The following RNF212B variants were observed in gnomAD, a reference collection of about 807,000 sequenced individuals.
The protein encoded by RNF212B is E3 ubiquitin-protein ligase RNF212B.
In RNF212B, 52 loss-of-function variants were observed where a neutral mutation model predicts 55.5. That is an observed-to-expected ratio of 0.94 (90% confidence interval 0.75 to 1.18). The LOEUF (loss-of-function observed/expected upper bound fraction) is 1.18, where lower values mean the gene tolerates loss of function less well. RNF212B is among the 50% of genes most tolerant of loss of function. The pLI, the probability that RNF212B is intolerant of heterozygous loss-of-function variation, is 0.00. For missense variants in RNF212B, 289 were observed against 350.4 expected, an observed-to-expected ratio of 0.82 and a Z score of 1.40; for synonymous variants, 99 against 121.4, an observed-to-expected ratio of 0.82 and a Z score of 1.21.
At chr14:23,233,562 C>CAAAA (rs35654046), upstream of RNF212B, among the ~76,000 whole-genome samples, 43 of 58,258 alleles carry the variant, frequency 7.4e-4, no homozygotes, top group Non-Finnish European at 9.0e-4. Context: ...CCCATCTCTA[C>CAAAA]AAAAAAAAAA....
At chr14:23,244,042 C>T (rs1883815035) in intron 3 of RNF212B, among the ~76,000 whole-genome samples, 1 of 151,970 alleles carries the variant, frequency 6.6e-6, no homozygotes, top group Admixed American at 6.6e-5. Context: ...CACACCACTG[C>T]ACTCCAGCCT....
chr14:23,240,491 G>A (rs1883491458), intron 2 of RNF212B, 46 bp downstream of exon 2: 2 of 1,208,792 alleles, frequency 1.7e-6, no homozygotes, highest in African/African-American at 1.5e-5. Context: ...ATGTTTTCAT[G>A]TAAGGATGTA....
intron 1 of RNF212B, among the ~76,000 whole-genome samples, chr14:23,187,050 C>T (rs551682514): frequency 6.6e-6 from 1 of 152,164 alleles, no homozygotes. Context: ...ACATTTGTCA[C>T]CCCCTTCGCA....
At chr14:23,265,885 A>C (rs1594950939) in intron 11 of RNF212B, among the ~76,000 whole-genome samples, 1 of 152,142 alleles carries the variant, frequency 6.6e-6, no homozygotes, top group Non-Finnish European at 1.5e-5. Flanking sequence ...TGATGTTTCC[A>C]GTCATAAATT....
chr14:23,237,131 AT>A (rs35099689), upstream of RNF212B, among the ~76,000 whole-genome samples: 465 of 140,346 alleles, frequency 3.3e-3, no homozygotes, highest in South Asian at 5.3e-3. Flanking sequence ...CACCCGGCTA[AT>A]TTTTTTTTTT....
At chr14:23,209,845 G>C (rs1025643647) in intron 2 of RNF212B, among the ~76,000 whole-genome samples, 5 of 152,142 alleles carry the variant, frequency 3.3e-5, no homozygotes, top group Admixed American at 3.3e-4. Flanking sequence ...CTTTGCCTCT[G>C]TGATTCTTTT....
intron 7 of RNF212B, among the ~76,000 whole-genome samples, chr14:23,262,183 C>G (rs1885346942): frequency 6.6e-6 from 1 of 152,032 alleles, no homozygotes; most frequent in South Asian, 2.1e-4. Flanking sequence ...TTCATCTCTC[C>G]CACTAGCCTG....
At chr14:23,229,943 C>A in intron 2 of RNF212B, 1 of 195,176 alleles carries the variant, frequency 5.1e-6, no homozygotes, top group South Asian at 1.0e-4. Context: ...ATATGTGTGC[C>A]ATCTCGTGCA....
chr14:23,269,445 G>A (rs1885919318), intron 12 of RNF212B, among the ~76,000 whole-genome samples: 2 of 152,298 alleles, frequency 1.3e-5, no homozygotes, highest in South Asian at 4.1e-4. Context: ...CCAAATTACT[G>A]TATTTTGGCC....
rs182673464 is a variant in RNF212B, at chr14:23,200,789, G to A, written c.-2+7388G>A. Among the ~76,000 whole-genome samples, 695 of 152,304 alleles carry A rather than the reference G, an allele frequency of 4.6e-3. 8 individuals are homozygous for A. Among genetic ancestry groups the A allele is most frequent in the African/African-American group, 0.015 (642 of 41,566 alleles). On this transcript the variant is annotated intron_variant, in intron 2 of 15. Transcript: ENST00000399910. The stretch of plus-strand genomic sequence containing the variant: ...GGGCTTTATTGGCTTCTTAAGTCAA[G>A]TTTGATTCCTTATAGGAAAGTGCAC...
chr14:23,215,180 C>T (rs188561296), intron 2 of RNF212B, among the ~76,000 whole-genome samples: 2 of 152,146 alleles, frequency 1.3e-5, no homozygotes, highest in East Asian at 1.9e-4. Flanking sequence ...TTTGGCAGTT[C>T]CCCCCACCCC....
At chr14:23,204,074 G>GT (rs1244532269) in intron 2 of RNF212B, among the ~76,000 whole-genome samples, 2 of 152,046 alleles carry the variant, frequency 1.3e-5, no homozygotes, top group Non-Finnish European at 2.9e-5. Flanking sequence ...GGGATTGTTT[G>GT]TTTTTTTCTT....
At chr14:23,215,348 C>G (rs1308837683) in intron 2 of RNF212B, among the ~76,000 whole-genome samples, 1 of 152,166 alleles carries the variant, frequency 6.6e-6, no homozygotes, top group Non-Finnish European at 1.5e-5. Flanking sequence ...AGCATCAAGA[C>G]AGACTAATAC....
intron 2 of RNF212B, among the ~76,000 whole-genome samples, chr14:23,226,780 C>CA (rs1555313745): frequency 7.3e-6 from 1 of 136,434 alleles, no homozygotes; most frequent in African/African-American, 2.6e-5. Context: ...CTCCTCTCTT[C>CA]TTTTTTTTTC....
intron 9 of RNF212B, among the ~76,000 whole-genome samples, chr14:23,263,492 G>C (rs755536821): frequency 6.6e-6 from 1 of 152,198 alleles, no homozygotes; most frequent in South Asian, 2.1e-4. Flanking sequence ...ATCAATGACT[G>C]GGGGTCAGGT....
chr14:23,268,902 G>C, intron 11 of RNF212B, 22 bp from the exon 12 acceptor site: 1 of 1,546,794 alleles, frequency 6.5e-7, no homozygotes, highest in South Asian at 1.2e-5. Context: ...TTATCTCACA[G>C]GCTTATTTTT....
intron 2 of RNF212B, among the ~76,000 whole-genome samples, chr14:23,229,015 C>T (rs1413120862): frequency 2.6e-5 from 4 of 151,738 alleles, no homozygotes; most frequent in East Asian, 1.9e-4. Flanking sequence ...TAAGCAATTA[C>T]TTCCTATCTC....
chr14:23,266,690 C>T (rs1278993947), intron 11 of RNF212B, among the ~76,000 whole-genome samples: 2 of 151,902 alleles, frequency 1.3e-5, no homozygotes, highest in Admixed American at 6.6e-5. Context: ...AGATTACAGG[C>T]GTGAGCCACC....
intron 2 of RNF212B, among the ~76,000 whole-genome samples, chr14:23,201,110 T>C (rs1388545287): frequency 6.6e-6 from 1 of 152,182 alleles, no homozygotes; most frequent in African/African-American, 2.4e-5. Context: ...GTCAAAAAGA[T>C]TAGTTCAGTC....
Sources: allele counts gnomAD v4.1 joint callset (sites outside exome capture counted in the v4.1 genomes callset), GRCh38; gene constraint gnomAD v4.1.1; transcripts MANE v1.5; gene names NCBI Gene and HGNC (gene_info 2026-07-23, HGNC 2026-07-21).